Variants in C1orf198 observed in about 807,000 individuals in gnomAD.
C1orf198 encodes the protein uncharacterized protein C1orf198.
Under a neutral mutation model 31.4 loss-of-function variants are expected in C1orf198, and 17 were observed. The observed-to-expected ratio is 0.54, with a 90% CI of 0.37 to 0.81. The LOEUF is 0.81. C1orf198 is among the 40% of genes least tolerant of loss of function. The pLI is 0.00. For missense variants in C1orf198, 401 were observed against 450.3 expected, an observed-to-expected ratio of 0.89 and a Z score of 0.99; for synonymous variants, 175 against 193.8, an observed-to-expected ratio of 0.90 and a Z score of 0.81.
rs772179170 is a variant in C1orf198, at chr1:230,868,348, C to G, written c.165G>C (p.Gly55=). 1 of 1,597,228 alleles carries G rather than the reference C, an allele frequency of 6.3e-7. No homozygotes were observed. The highest frequency in any genetic ancestry group is 1.1e-5 in the South Asian group (1 of 89,326). Residue 55 remains glycine, a synonymous_variant, in exon 1 of 4, where the codon GGG becomes GGC. Coordinates refer to ENST00000366663, the MANE Select transcript of C1orf198 (RefSeq NM_032800.3). The stretch of plus-strand genomic sequence containing the variant: ...CGGGCGGCAGCCGCGCCCACTCGGG[C>G]CCGTACTTCTCGCGGATCTTCTCCT... ...QDKEKIREKY[G]PEWARLPPAQ... is the part of the protein sequence containing the mutation.
chr1:230,868,124 G>A, intron 1 of C1orf198, 56 bp downstream of exon 1: 2 of 1,324,084 alleles, frequency 1.5e-6, no homozygotes, highest in Non-Finnish European at 1.9e-6. Flanking sequence ...CCACCGGGCC[G>A]GGGCGCCTCG....
intron 2 of C1orf198, among the ~76,000 whole-genome samples, chr1:230,848,966 G>A (rs1669662193): frequency 1.3e-5 from 2 of 152,190 alleles, no homozygotes; most frequent in East Asian, 1.9e-4. Context: ...TCTACCCAGG[G>A]GGGACCTGTA....
chr1:230,856,616 C>A (rs1215920911), intron 1 of C1orf198, among the ~76,000 whole-genome samples: 1 of 152,134 alleles, frequency 6.6e-6, no homozygotes, highest in African/African-American at 2.4e-5. Flanking sequence ...TGGACGCAAA[C>A]TCCTGGGCTC....
intron 2 of C1orf198, among the ~76,000 whole-genome samples, chr1:230,852,218 C>A (rs1399977585): frequency 6.6e-6 from 1 of 152,120 alleles, no homozygotes; most frequent in Non-Finnish European, 1.5e-5. Context: ...AGATTTGCCA[C>A]CAAACACAGC....
intron 1 of C1orf198, among the ~76,000 whole-genome samples, chr1:230,859,709 C>T (rs1446093202): frequency 6.6e-6 from 1 of 152,160 alleles, no homozygotes; most frequent in Non-Finnish European, 1.5e-5. Flanking sequence ...CCAAGGACTC[C>T]GGGATAAACA....
chr1:230,841,650 G>A (rs1355059804), intron 3 of C1orf198, among the ~76,000 whole-genome samples: 1 of 152,210 alleles, frequency 6.6e-6, no homozygotes, highest in Non-Finnish European at 1.5e-5. Flanking sequence ...GTGTTGCAAG[G>A]GAGTGGAGAA....
intron 2 of C1orf198, among the ~76,000 whole-genome samples, chr1:230,851,987 G>A (rs781111026): frequency 2.0e-5 from 3 of 152,220 alleles, no homozygotes; most frequent in Non-Finnish European, 4.4e-5. Flanking sequence ...CTCTGCCCAT[G>A]GCCATGACCT....
At chr1:230,845,115 C>T (rs1270503911) in intron 2 of C1orf198, among the ~76,000 whole-genome samples, 1 of 151,788 alleles carries the variant, frequency 6.6e-6, no homozygotes, top group East Asian at 1.9e-4. Context: ...GCCTATAATC[C>T]TAGCACTTTG....
chr1:230,863,757 G>A (rs1355694159), intron 1 of C1orf198, among the ~76,000 whole-genome samples: 3 of 152,166 alleles, frequency 2.0e-5, no homozygotes, highest in South Asian at 2.1e-4. Context: ...CTCTCAGCCC[G>A]TGGAACTGGA....
intron 1 of C1orf198, among the ~76,000 whole-genome samples, chr1:230,860,175 C>T (rs1294674711): frequency 6.6e-6 from 1 of 151,978 alleles, no homozygotes; most frequent in Non-Finnish European, 1.5e-5. Context: ...TACTTCACAC[C>T]CACAAGGATG....
In C1orf198 at chr1:230,837,645, G is replaced by A. The variant is rs1381365324; in HGVS notation, c.*2207C>T. ...AGAGGAAGATCTGCCGGTCAGGCAG[G>A]ATGAAGACCCACACAGGAGCCTGTG... On this transcript the variant is annotated 3_prime_UTR_variant, in exon 4 of 4. Coordinates refer to ENST00000366663, the MANE Select transcript of C1orf198 (RefSeq NM_032800.3). The A allele has an allele frequency of 6.6e-6, 1 of 152,162 alleles. No homozygotes were observed. Among genetic ancestry groups the A allele is most frequent in the African/African-American group, 2.4e-5 (1 of 41,442 alleles). The allele number at this position is 152,162 out of a possible 1,614,324, so 9.4% of individuals were successfully genotyped here. A position where few individuals can be genotyped will look rare whatever the true frequency, so the allele number is the denominator to read the frequency against.
chr1:230,863,291 G>A (rs1000686614), intron 1 of C1orf198, among the ~76,000 whole-genome samples: 41 of 152,286 alleles, frequency 2.7e-4, no homozygotes, highest in African/African-American at 9.4e-4. Context: ...AACTCAGCAT[G>A]AGCATGGTAA....
intron 3 of C1orf198, among the ~76,000 whole-genome samples, chr1:230,841,122 G>A (rs1669428523): frequency 6.6e-6 from 1 of 152,222 alleles, no homozygotes; most frequent in African/African-American, 2.4e-5. Flanking sequence ...GCTGGTTAGG[G>A]AGGCAGGGAA....
intron 1 of C1orf198, 144 bp downstream of exon 1, chr1:230,868,036 T>TCCCCCCCC: frequency 1.2e-6 from 1 of 861,460 alleles, no homozygotes. Context: ...GCTCTGGGGC[T>TCCCCCCCC]CCCCTCCCAC....
chr1:230,843,595 T>C lies in C1orf198; in HGVS notation c.686A>G (p.Tyr229Cys). 1 of 1,614,210 alleles carries C rather than the reference T, an allele frequency of 6.2e-7. No individual in the cohort carries two copies. Among genetic ancestry groups the C allele is most frequent in the African/African-American group, 1.3e-5 (1 of 75,062 alleles). The change falls in exon 3 of 4, where the codon TAC becomes TGC. Residue 229 changes from tyrosine to cysteine, a missense_variant. Transcript: ENST00000366663. The surrounding 1 kb of genome is among the most constrained non-coding windows in gnomAD (Gnocchi z 4.9). ...EKGEKVLPPC[Y>C]RQEPAPKDRE... The stretch of plus-strand genomic sequence containing the variant: ...GTCCTTCGGGGCAGGTTCCTGCCGG[T>C]AGCAGGGAGGCAAGACCTTTTCCCC...
At chr1:230,854,645 G>A (rs1051229976) in intron 2 of C1orf198, among the ~76,000 whole-genome samples, 3 of 152,134 alleles carry the variant, frequency 2.0e-5, no homozygotes, top group African/African-American at 7.2e-5. Context: ...AGGGCAATCG[G>A]CAATAGCTTA....
At chr1:230,849,575 G>A (rs1186760806) in intron 2 of C1orf198, among the ~76,000 whole-genome samples, 1 of 152,228 alleles carries the variant, frequency 6.6e-6, no homozygotes, top group Admixed American at 6.5e-5. Context: ...CTGGGTCTCA[G>A]TTGGCCATGT....
chr1:230,864,502 A>C (rs1410270025), intron 1 of C1orf198, among the ~76,000 whole-genome samples: 1 of 152,206 alleles, frequency 6.6e-6, no homozygotes, highest in Non-Finnish European at 1.5e-5. Flanking sequence ...AGCAGAGATG[A>C]AGGCACTGGA....
intron 1 of C1orf198, among the ~76,000 whole-genome samples, chr1:230,866,205 G>C (rs545564012): frequency 6.6e-6 from 1 of 152,314 alleles, no homozygotes; most frequent in East Asian, 1.9e-4. Context: ...GCGCAGTCCA[G>C]GGGAATTTAA....
Sources: gnomAD v4.1 joint callset for allele counts (sites outside exome capture counted in the v4.1 genomes callset) on GRCh38, gnomAD v4.1.1 for gene constraint, Gnocchi (gnomAD v3.1) non-coding constraint, MANE v1.5 for transcripts, NCBI Gene and HGNC (gene_info 2026-07-23, HGNC 2026-07-21) for gene names.